Variants in RAB38 observed in about 807,000 individuals in gnomAD.
RAB38 encodes the protein ras-related protein Rab-38.
Under a neutral mutation model 18.4 loss-of-function variants are expected in RAB38, and 15 were observed. The ratio of observed to expected loss-of-function variants is 0.82; its 90% CI spans 0.55 to 1.26. The LOEUF (loss-of-function observed/expected upper bound fraction) is 1.26. Among genes scored for constraint, RAB38 ranks in the 50% most tolerant of loss-of-function variants. The pLI, the probability that RAB38 is intolerant of heterozygous loss-of-function variation, is 0.00. For missense variants in RAB38, 294 were observed against 267.4 expected (o/e 1.10, Z -0.69); for synonymous variants, 101 against 104.4 (o/e 0.97, Z 0.20).
chr11:88,029,596 C>G, the RAB38 span, among the ~76,000 whole-genome samples: 1 of 152,108 alleles, frequency 6.6e-6, no homozygotes, highest in Non-Finnish European at 1.5e-5. Flanking sequence ...TCTGATAAAA[C>G]AGACTTTAAA....
the RAB38 span, among the ~76,000 whole-genome samples, chr11:87,976,635 G>GATAAATATATATA: frequency 4.4e-4 from 52 of 118,706 alleles, no homozygotes; most frequent in African/African-American, 1.8e-3. Flanking sequence ...AAATATATAT[G>GATAAATATATATA]ATTTTATATG....
At chr11:88,088,728 G>A in the RAB38 span, among the ~76,000 whole-genome samples, 2 of 151,794 alleles carry the variant, frequency 1.3e-5, no homozygotes, top group African/African-American at 4.8e-5. Context: ...GGCCAGATGA[G>A]AATGAAGGTG....
the RAB38 span, among the ~76,000 whole-genome samples, chr11:87,874,412 A>G: frequency 4.6e-5 from 7 of 151,652 alleles, no homozygotes; most frequent in East Asian, 7.9e-4. Flanking sequence ...ACTCAATTAA[A>G]AAATGGGCAA....
the RAB38 span, among the ~76,000 whole-genome samples, chr11:88,037,397 A>G: frequency 6.6e-6 from 1 of 152,078 alleles, no homozygotes; most frequent in African/African-American, 2.4e-5. Flanking sequence ...AAAGAGCCCT[A>G]ATTGTATTAC....
chr11:87,886,396 G>A, the RAB38 span, among the ~76,000 whole-genome samples: 1 of 151,810 alleles, frequency 6.6e-6, no homozygotes, highest in East Asian at 2.0e-4. Context: ...TCTCTCCCCT[G>A]GTGAGCCTGC....
chr11:87,857,188 G>T, the RAB38 span, among the ~76,000 whole-genome samples: 10 of 152,056 alleles, frequency 6.6e-5, no homozygotes, highest in Non-Finnish European at 8.8e-5. Context: ...ACAAAGGACA[G>T]GAACTCATCA....
chr11:87,848,032 C>T, the RAB38 span, among the ~76,000 whole-genome samples: 1 of 152,090 alleles, frequency 6.6e-6, no homozygotes, highest in Non-Finnish European at 1.5e-5. Flanking sequence ...AAACCATTCC[C>T]TAGTTGTGCC....
the RAB38 span, among the ~76,000 whole-genome samples, chr11:87,936,404 C>T: frequency 6.6e-6 from 1 of 152,052 alleles, no homozygotes; most frequent in African/African-American, 2.4e-5. Context: ...AAAAAGTAAT[C>T]TTTCCTCCAT....
At chr11:87,825,713 G>A in the RAB38 span, among the ~76,000 whole-genome samples, 2 of 152,170 alleles carry the variant, frequency 1.3e-5, no homozygotes, top group African/African-American at 4.8e-5. Flanking sequence ...AGCAGTCCTG[G>A]GTAAGGCTGG....
chr11:87,862,201 C>A, the RAB38 span, among the ~76,000 whole-genome samples: 1 of 152,076 alleles, frequency 6.6e-6, no homozygotes, highest in African/African-American at 2.4e-5. Flanking sequence ...TATACAGACA[C>A]ATGCACGGAT....
the RAB38 span, among the ~76,000 whole-genome samples, chr11:87,889,371 A>G: frequency 3.3e-5 from 5 of 152,042 alleles, no homozygotes; most frequent in East Asian, 9.8e-4. Flanking sequence ...GATGGGGCCT[A>G]GTTTATTTCT....
the RAB38 span, among the ~76,000 whole-genome samples, chr11:88,033,532 G>C: frequency 6.6e-6 from 1 of 151,854 alleles, no homozygotes; most frequent in South Asian, 2.1e-4. Context: ...AAAAGTAATA[G>C]AGAGATCCTG....
the RAB38 span, among the ~76,000 whole-genome samples, chr11:87,962,016 G>T: frequency 4.2e-4 from 64 of 152,196 alleles, no homozygotes; most frequent in Middle Eastern, 0.01. Context: ...TGCTACCTGT[G>T]TCTTATTTCC....
At chr11:87,951,319 C>CTTCT in the RAB38 span, among the ~76,000 whole-genome samples, 1 of 151,990 alleles carries the variant, frequency 6.6e-6, no homozygotes. Context: ...AAGCTTTTAA[C>CTTCT]TTCTTTGCCA....
the RAB38 span, among the ~76,000 whole-genome samples, chr11:87,830,139 A>G: frequency 1.3e-5 from 2 of 152,178 alleles, no homozygotes; most frequent in South Asian, 2.1e-4. Context: ...CTCTGTGCCC[A>G]GAATTATATT....
the RAB38 span, among the ~76,000 whole-genome samples, chr11:88,032,853 T>C: frequency 6.6e-6 from 1 of 152,226 alleles, no homozygotes; most frequent in Admixed American, 6.5e-5. Flanking sequence ...GAAATACCAT[T>C]TGACCCAGCC....
At chr11:88,029,469 G>T in the RAB38 span, among the ~76,000 whole-genome samples, 746 of 152,094 alleles carry the variant, frequency 4.9e-3, 2 homozygotes, top group African/African-American at 0.016. Context: ...ATCAGTGTGC[G>T]GTATTCAGGA....
the RAB38 span, among the ~76,000 whole-genome samples, chr11:88,030,366 A>C: frequency 6.6e-6 from 1 of 152,200 alleles, no homozygotes; most frequent in Admixed American, 6.5e-5. Flanking sequence ...GAAGGCAAGA[A>C]ATAACTAAAA....
At chr11:87,868,424 G>GAGCCAAT in the RAB38 span, among the ~76,000 whole-genome samples, 1 of 151,576 alleles carries the variant, frequency 6.6e-6, no homozygotes, top group African/African-American at 2.4e-5. Flanking sequence ...GAAAAACCAT[G>GAGCCAAT]AGCCAATAAA....
Sources: allele counts gnomAD v4.1 joint callset (sites outside exome capture counted in the v4.1 genomes callset), GRCh38; gene constraint gnomAD v4.1.1; transcripts MANE v1.5; gene names NCBI Gene and HGNC (gene_info 2026-07-23, HGNC 2026-07-21).